SDC2: variants seen among roughly 807,000 people sequenced by gnomAD.
SDC2 encodes the protein syndecan-2.
A neutral mutation model predicts 22.2 loss-of-function variants in SDC2; 13 were observed. The ratio of observed to expected loss-of-function variants is 0.59; its 90% confidence interval spans 0.38 to 0.93. SDC2 has a LOEUF of 0.93. Among genes scored for constraint, SDC2 ranks in the 40% least tolerant of loss-of-function variants. The pLI, the probability that SDC2 is intolerant of heterozygous loss-of-function variation, is 0.00. For synonymous variants in SDC2, 94 were observed against 92.8 expected, an observed-to-expected ratio of 1.01 and a Z score of -0.07; for missense variants, 235 against 246.8, an observed-to-expected ratio of 0.95 and a Z score of 0.32.
intron 2 of SDC2, among the ~76,000 whole-genome samples, chr8:96,601,640 C>CCA (rs1554607109): frequency 1.5e-5 from 1 of 66,694 alleles, no homozygotes; most frequent in Non-Finnish European, 2.9e-5. Context: ...ACTCCATCTC[C>CCA]AAAAAAAAAA....
Position 96,494,070 on chromosome 8 carries a change from G to T in SDC2, c.-202G>T, listed in dbSNP as rs1349863046. On this transcript the variant is annotated 5_prime_UTR_variant, in exon 1 of 5. Coordinates refer to ENST00000302190, the MANE Select transcript of SDC2 (RefSeq NM_002998.4). ...TGAGAGGGCGCCGCGTTCCCGGGGC[G>T]CAGCTGCGGGCGGCGGGAGCAGGCG... 1.8e-6 allele frequency: 1 copy of T among 559,180 alleles called. No homozygotes were observed. The highest frequency in any genetic ancestry group is 3.1e-6 in the Non-Finnish European group (1 of 322,138). 34.6% of individuals were successfully genotyped at this position (559,180 alleles called of 1,614,324 possible).
intron 3 of SDC2, among the ~76,000 whole-genome samples, chr8:96,607,429 T>C (rs192799269): frequency 2.0e-5 from 3 of 151,984 alleles, no homozygotes; most frequent in African/African-American, 7.3e-5. Flanking sequence ...GGAAAACATA[T>C]GATAGAAAAT....
intron 1 of SDC2, among the ~76,000 whole-genome samples, chr8:96,578,930 C>G (rs958607295): frequency 1.3e-5 from 2 of 152,202 alleles, no homozygotes; most frequent in African/African-American, 4.8e-5. Flanking sequence ...CCTCAGTAAA[C>G]TCCTGCGGTT....
intron 1 of SDC2, among the ~76,000 whole-genome samples, chr8:96,556,994 T>C (rs1456109703): frequency 7.3e-4 from 109 of 149,422 alleles, no homozygotes; most frequent in African/African-American, 2.6e-3. Flanking sequence ...CAAAAGAAGA[T>C]ATTTATGCAG....
chr8:96,528,297 T>G (rs1813609361), intron 1 of SDC2, among the ~76,000 whole-genome samples: 1 of 152,132 alleles, frequency 6.6e-6, no homozygotes, highest in African/African-American at 2.4e-5. Context: ...AGCCAAAAAC[T>G]CTAAGTGATT....
At chr8:96,584,666 C>A (rs1814651384) in intron 1 of SDC2, among the ~76,000 whole-genome samples, 1 of 152,168 alleles carries the variant, frequency 6.6e-6, no homozygotes, top group Admixed American at 6.5e-5. Context: ...TTACTCTAGT[C>A]TAAACTGTGG....
chr8:96,596,934 T>C (rs902797656), intron 2 of SDC2, among the ~76,000 whole-genome samples: 1 of 152,058 alleles, frequency 6.6e-6, no homozygotes, highest in African/African-American at 2.4e-5. Context: ...GACCTAGGAA[T>C]TGGTGGCATT....
rs1230197389 is a variant in SDC2 at position 96,578,388 on chromosome 8, A to G, written c.61-15092A>G. ...TGGTTGTACTAGCCACATATCAGCG[A>G]CTCAATAGCCATATGTGGCTATTTG... On this transcript the variant is annotated intron_variant, in intron 1 of 4. Coordinates refer to ENST00000302190, the MANE Select transcript of SDC2 (RefSeq NM_002998.4). Among the ~76,000 whole-genome samples the G allele has an allele frequency of 3.9e-5, 6 of 152,152 alleles. No individual in the cohort carries two copies. The East Asian group carries it at 1.2e-3, about 29-fold the overall frequency.
intron 1 of SDC2, among the ~76,000 whole-genome samples, chr8:96,536,376 A>T (rs1271522695): frequency 6.6e-6 from 1 of 152,108 alleles, no homozygotes; most frequent in Non-Finnish European, 1.5e-5. Flanking sequence ...GCTGGACTGC[A>T]GTAGTGCGAC....
chr8:96,503,344 C>T (rs953874960), intron 1 of SDC2, among the ~76,000 whole-genome samples: 3 of 152,128 alleles, frequency 2.0e-5, no homozygotes, highest in Admixed American at 2.0e-4. Context: ...AATTTAGACA[C>T]TGAATATCAT....
At position 96,505,469 on chromosome 8, in the gene SDC2, T is replaced by C. The variant is rs193208567; in HGVS notation, c.60+11138T>C. 7.4e-3 allele frequency among the ~76,000 whole-genome samples: 1,123 copies of C among 152,188 alleles called. 14 individuals carry two copies. The highest frequency in any genetic ancestry group is 0.025 in the African/African-American group (1,028 of 41,530). ...CAGGTGCACCACCACACGCAGCTAC[T>C]TTTTGTATTTTTAGTAGAGACAGGG... On this transcript the variant is annotated intron_variant, in intron 1 of 4. Transcript: ENST00000302190.
chr8:96,562,899 G>A (rs1489189584), intron 1 of SDC2, among the ~76,000 whole-genome samples: 1 of 151,870 alleles, frequency 6.6e-6, no homozygotes, highest in African/African-American at 2.4e-5. Context: ...TCTGGTGGGG[G>A]ACATGTTTGC....
At chr8:96,525,799 C>G (rs1401781216) in intron 1 of SDC2, among the ~76,000 whole-genome samples, 1 of 152,026 alleles carries the variant, frequency 6.6e-6, no homozygotes, top group Non-Finnish European at 1.5e-5. Flanking sequence ...CATATAAAAT[C>G]AGAATAAGAC....
At chr8:96,600,797 T>C (rs1424407240) in intron 2 of SDC2, among the ~76,000 whole-genome samples, 2 of 152,194 alleles carry the variant, frequency 1.3e-5, no homozygotes, top group Non-Finnish European at 2.9e-5. Flanking sequence ...TTGGACATGT[T>C]CAGAGGTGTG....
intron 1 of SDC2, among the ~76,000 whole-genome samples, chr8:96,556,075 C>CACAT (rs1483957807): frequency 1.4e-4 from 22 of 151,876 alleles, no homozygotes; most frequent in Admixed American, 4.6e-4. Flanking sequence ...CACACACACA[C>CACAT]ATTCAAATGT....
Position 96,602,385 on chromosome 8 carries a change from AC to A in SDC2, c.173-9del, listed in dbSNP as rs1815003087. ...TGCCATGCTCAGTTCATCTTCACTT[AC>A]TTTTCCAGGAGCTGATGAGGATGTA... On this transcript the variant is annotated splice_polypyrimidine_tract_variant and intron_variant, in intron 2 of 4. Transcript: ENST00000302190. 1 of 1,613,342 alleles carries A rather than the reference AC, an allele frequency of 6.2e-7. No homozygotes were observed. Among genetic ancestry groups the A allele is most frequent in the Non-Finnish European group, 8.5e-7 (1 of 1,179,554 alleles).
chr8:96,559,445 A>G (rs1426696125), intron 1 of SDC2, among the ~76,000 whole-genome samples: 1 of 152,210 alleles, frequency 6.6e-6, no homozygotes, highest in Non-Finnish European at 1.5e-5. Context: ...GTAAGTAGTA[A>G]TAGGAAATCA....
In SDC2 at chr8:96,494,023, C is replaced by G; in HGVS notation, c.-249C>G. The G allele has an allele frequency of 1.9e-6, 1 of 534,970 alleles. No homozygotes were observed. Among genetic ancestry groups the G allele is most frequent in the Non-Finnish European group, 3.3e-6 (1 of 307,122 alleles). 33.1% of individuals were successfully genotyped at this position (534,970 alleles called of 1,614,324 possible). On this transcript the variant is annotated 5_prime_UTR_variant, in exon 1 of 5. Transcript: ENST00000302190. ...CCTTCCCGGAGCACCAACTCCGTGT[C>G]GGGAGTGCAGAAACCAACAAGTGAG...
In SDC2 at chr8:96,494,226, G is replaced by A. The variant is rs1334195649; in HGVS notation, c.-46G>A. The A allele has an allele frequency of 1.3e-6, 2 of 1,534,272 alleles. No homozygotes were observed. Among genetic ancestry groups the A allele is most frequent in the Non-Finnish European group, 1.8e-6 (2 of 1,141,748 alleles). On this transcript the variant is annotated 5_prime_UTR_variant, in exon 1 of 5. Coordinates refer to ENST00000302190, the MANE Select transcript of SDC2 (RefSeq NM_002998.4). Reference sequence around the variant, plus strand: ...AGCGCTGGGCAGGAGGCTTCGTTTTGCCCTGGTTGCAAGCAGCGGCTGGGA... The same window carrying A: ...AGCGCTGGGCAGGAGGCTTCGTTTTACCCTGGTTGCAAGCAGCGGCTGGGA...
Sources: allele counts gnomAD v4.1 joint callset (sites outside exome capture counted in the v4.1 genomes callset), GRCh38; gene constraint gnomAD v4.1.1; transcripts MANE v1.5; gene names NCBI Gene and HGNC (gene_info 2026-07-23, HGNC 2026-07-21).